Variants in SBF2 observed in about 807,000 individuals in gnomAD.
The protein encoded by SBF2 is myotubularin-related protein 13.
SBF2 carries 112 observed loss-of-function variants against 225.2 expected under a neutral mutation model. That is an observed-to-expected ratio of 0.50 (90% confidence interval 0.43 to 0.58). SBF2 has a LOEUF of 0.58. Ranked by LOEUF, SBF2 falls within the 20% of genes least tolerant of loss-of-function variation. SBF2 has a pLI of 0.00. For missense variants in SBF2, 1,996 were observed against 2,206.2 expected, an observed-to-expected ratio of 0.90 and a Z score of 1.91; for synonymous variants, 763 against 773.3, an observed-to-expected ratio of 0.99 and a Z score of 0.22.
chr11:10,273,339 T>C (rs1007264948), intron 1 of SBF2, among the ~76,000 whole-genome samples: 2 of 151,954 alleles, frequency 1.3e-5, no homozygotes, highest in African/African-American at 4.8e-5. Flanking sequence ...CTCGAATTAC[T>C]GTTTTTTAAA....
At chr11:10,114,584 C>T (rs1953041429) in intron 2 of SBF2, among the ~76,000 whole-genome samples, 1 of 152,178 alleles carries the variant, frequency 6.6e-6, no homozygotes, top group African/African-American at 2.4e-5. Flanking sequence ...TACACAGTGG[C>T]ACATAGAACT....
At position 9,790,633 on chromosome 11, in the gene SBF2, T is replaced by C. The variant is rs1852679985; in HGVS notation, c.4621A>G (p.Ile1541Val). ...GEKHAKKGVC[I>V]WECIDRMHKR... ...TGCATTCTGTCAATACATTCCCAAA[T>C]ACAGACTCCTTTTTTGGCATGCTTT... is the stretch of plus-strand genomic sequence containing the variant. Residue 1541 changes from isoleucine to valine, a missense_variant, in exon 34 of 40, where the codon ATT becomes GTT. By Grantham distance (29) the Ile-to-Val change is conservative. Transcript: ENST00000256190. The C allele has an allele frequency of 1.3e-6, 2 of 1,589,576 alleles. No individual in the cohort carries two copies. Among genetic ancestry groups the C allele is most frequent in the Non-Finnish European group, 1.7e-6 (2 of 1,158,766 alleles).
chr11:9,811,211 G>A (rs1021069828), intron 30 of SBF2: 3 of 152,228 alleles, frequency 2.0e-5, no homozygotes, highest in Admixed American at 6.5e-5. Flanking sequence ...AGAGGAGGGT[G>A]AGGATAGAAA....
intron 3 of SBF2, among the ~76,000 whole-genome samples, chr11:10,037,450 C>T (rs1949483941): frequency 6.6e-6 from 1 of 152,060 alleles, no homozygotes; most frequent in Non-Finnish European, 1.5e-5. Context: ...CCAAATACTG[C>T]TATTTCGAAT....
rs1655963955 is a variant in SBF2 at position 10,000,982 on chromosome 11, C to A, written c.793G>T (p.Val265Phe). ...IPILPAQLLEVLSSPTPFIIG... is the reference protein window; with the variant it reads ...IPILPAQLLEFLSSPTPFIIG... The stretch of plus-strand genomic sequence containing the variant: ...ATGAAAGGCGTTGGGGAACTTAGAA[C>A]TTCCAGTAGCTGAGCCGGGAGAATA... Residue 265 changes from valine to phenylalanine, a missense_variant, in exon 8 of 40, where the codon GTT (valine) becomes TTT (phenylalanine). Coordinates refer to ENST00000256190, the MANE Select transcript of SBF2 (RefSeq NM_030962.4). The A allele has an allele frequency of 6.2e-7, 1 of 1,604,560 alleles. No homozygotes were observed. The highest frequency in any genetic ancestry group is 1.1e-5 in the South Asian group (1 of 90,856).
intron 2 of SBF2, among the ~76,000 whole-genome samples, chr11:10,061,254 T>C (rs541970587): frequency 6.6e-6 from 1 of 152,212 alleles, no homozygotes; most frequent in Non-Finnish European, 1.5e-5. Flanking sequence ...TTATACAGAA[T>C]GGTCAAAATC....
At chr11:9,803,556 C>A (rs1853613651) in intron 32 of SBF2, among the ~76,000 whole-genome samples, 1 of 152,078 alleles carries the variant, frequency 6.6e-6, no homozygotes, top group South Asian at 2.1e-4. Context: ...ATGATGTTCC[C>A]ATCTTTGAGG....
chr11:10,128,196 A>G (rs1953852646), intron 2 of SBF2, among the ~76,000 whole-genome samples: 1 of 152,114 alleles, frequency 6.6e-6, no homozygotes, highest in African/African-American at 2.4e-5. Context: ...TTAAACACAC[A>G]CTTGTTTGTT....
At chr11:10,080,801 G>A (rs180982854) in intron 2 of SBF2, among the ~76,000 whole-genome samples, 2 of 151,956 alleles carry the variant, frequency 1.3e-5, no homozygotes, top group East Asian at 3.9e-4. Context: ...TCAAACGCAA[G>A]CAGAAATAGC....
intron 32 of SBF2, among the ~76,000 whole-genome samples, chr11:9,798,951 C>A (rs201655073): frequency 1.4e-3 from 186 of 135,312 alleles, no homozygotes; most frequent in Non-Finnish European, 1.5e-3. Context: ...GACTCCGTCT[C>A]AAAAAAAAAA....
chr11:10,194,341 G>A (rs1423790613), intron 1 of SBF2, among the ~76,000 whole-genome samples: 1 of 152,068 alleles, frequency 6.6e-6, no homozygotes, highest in Non-Finnish European at 1.5e-5. Flanking sequence ...AAGTAATTAA[G>A]AAATTATTTA....
chr11:9,988,274 A>T (rs112209268), intron 13 of SBF2, among the ~76,000 whole-genome samples: 8,722 of 152,306 alleles, frequency 0.057, 320 homozygotes, highest in Middle Eastern at 0.18. Flanking sequence ...AATATGGATT[A>T]AGGACTTAAA....
At chr11:10,284,125 TG>T (rs1398386064) in intron 1 of SBF2, among the ~76,000 whole-genome samples, 2 of 152,184 alleles carry the variant, frequency 1.3e-5, no homozygotes, top group African/African-American at 2.4e-5. Context: ...TACACACAAT[TG>T]TAAGAATTAA....
At chr11:10,184,947 C>T (rs1048254840) in intron 2 of SBF2, among the ~76,000 whole-genome samples, 2 of 152,094 alleles carry the variant, frequency 1.3e-5, no homozygotes, top group African/African-American at 2.4e-5. Context: ...AGGATGGTCT[C>T]GATCTCCTAG....
At chr11:10,062,580 A>G (rs1028383698) in intron 2 of SBF2, among the ~76,000 whole-genome samples, 4 of 152,224 alleles carry the variant, frequency 2.6e-5, no homozygotes, top group African/African-American at 9.6e-5. Context: ...CAATAAGCAT[A>G]TGGAAACAAG....
chr11:10,159,624 C>G (rs972079143), intron 2 of SBF2, among the ~76,000 whole-genome samples: 1 of 152,090 alleles, frequency 6.6e-6, no homozygotes, highest in Non-Finnish European at 1.5e-5. Flanking sequence ...CCCCCTTGGC[C>G]GGGCATGGTG....
intron 2 of SBF2, among the ~76,000 whole-genome samples, chr11:10,098,762 G>A (rs1952157626): frequency 6.9e-6 from 1 of 145,658 alleles, no homozygotes; most frequent in Non-Finnish European, 1.5e-5. Context: ...AAATAAAAAT[G>A]TAACGGCCAA....
chr11:10,099,711 G>A (rs1565227952), intron 2 of SBF2, among the ~76,000 whole-genome samples: 1 of 152,040 alleles, frequency 6.6e-6, no homozygotes, highest in African/African-American at 2.4e-5. Context: ...CTGTTGGGGT[G>A]GGGGGAATAA....
intron 7 of SBF2, among the ~76,000 whole-genome samples, chr11:10,001,527 A>AT (rs1231504653): frequency 0.015 from 2,214 of 151,858 alleles, 36 homozygotes; most frequent in African/African-American, 0.039. Flanking sequence ...ATTAAAAATA[A>AT]ATTTTTTTTT....
Sources: gnomAD v4.1 joint callset for allele counts (sites outside exome capture counted in the v4.1 genomes callset) on GRCh38, gnomAD v4.1.1 for gene constraint, MANE v1.5 for transcripts, NCBI Gene and HGNC (gene_info 2026-07-23, HGNC 2026-07-21) for gene names.